The following ZNF254 variants were observed in gnomAD, a reference collection of about 807,000 sequenced individuals.
ZNF254 encodes CTD-2017D11.1.
In ZNF254, 10 loss-of-function variants were observed where a neutral mutation model predicts 12.4. The observed-to-expected ratio is 0.80, with a 90% CI of 0.50 to 1.36. ZNF254 has a LOEUF of 1.36. Among genes scored for constraint, ZNF254 ranks in the 40% most tolerant of loss-of-function variants. The pLI is 0.00. For missense variants in ZNF254, 996 were observed against 763.9 expected (o/e 1.30, Z -3.58); for synonymous variants, 305 against 253.4 (o/e 1.20, Z -1.93).
intron 2 of ZNF254, among the ~76,000 whole-genome samples, chr19:24,061,232 C>T (rs1971053344): frequency 6.6e-6 from 1 of 151,174 alleles, no homozygotes; most frequent in Non-Finnish European, 1.5e-5. Context: ...TTTTGTTCAT[C>T]ACCTAACCGA....
At chr19:24,120,407 T>C (rs1421429303) in intron 3 of ZNF254, among the ~76,000 whole-genome samples, 1 of 152,092 alleles carries the variant, frequency 6.6e-6, no homozygotes, top group Non-Finnish European at 1.5e-5. Context: ...ATATAAAAAT[T>C]ATACCTCTGT....
At chr19:24,047,350 A>T (rs1970433206) in intron 2 of ZNF254, among the ~76,000 whole-genome samples, 4 of 131,492 alleles carry the variant, frequency 3.0e-5, no homozygotes, top group East Asian at 2.2e-4. Context: ...CTTCCTTCCT[A>T]CCTTTCTTTC....
At chr19:24,070,962 T>G (rs1425760982) in intron 2 of ZNF254, among the ~76,000 whole-genome samples, 1 of 152,146 alleles carries the variant, frequency 6.6e-6, no homozygotes, top group African/African-American at 2.4e-5. Context: ...CCTACCTATA[T>G]CCTGACTACA....
chr19:24,064,603 C>T (rs369489850), intron 2 of ZNF254: 1 of 152,132 alleles, frequency 6.6e-6, no homozygotes, highest in Non-Finnish European at 1.5e-5. Context: ...CTCAGCTCAC[C>T]ACAACCTTCA....
rs537296405 is a variant in ZNF254 at position 24,108,881 on chromosome 19, C to T, written c.253+2238C>T. ...GGCAAAAAGGAATTATAGAGCCAGG[C>T]GCGGTGGCTCACGCCTCTAATCCCT... is the stretch of plus-strand genomic sequence containing the variant. On this transcript the variant is annotated intron_variant, in intron 3 of 3. Coordinates refer to ENST00000357002, the MANE Select transcript of ZNF254 (RefSeq NM_203282.4). Among the ~76,000 whole-genome samples the T allele has an allele frequency of 1.2e-4, 18 of 152,266 alleles. No individual in the cohort carries two copies. The South Asian group carries it at 3.1e-3, about 26-fold the overall frequency.
intron 2 of ZNF254, among the ~76,000 whole-genome samples, chr19:24,055,205 CA>C (rs71167733): frequency 0.033 from 942 of 28,196 alleles, 2 homozygotes; most frequent in Middle Eastern, 0.083. Context: ...TCTGTCTCAC[CA>C]AAAAAAAAAA....
chr19:24,069,164 G>A lies in ZNF254; in HGVS notation c.-94+22885G>A, dbSNP rs144934294. On this transcript the variant is annotated intron_variant, in intron 2 of 4. Transcript: ENST00000613065. The stretch of plus-strand genomic sequence containing the variant: ...TGGGACTACAGATGTGTGCCACCAA[G>A]CCCAGCTAATTTTGTATTTTTATTA... Among the ~76,000 whole-genome samples the A allele has an allele frequency of 5.3e-3, 809 of 151,966 alleles. 7 individuals are homozygous for A. The highest frequency in any genetic ancestry group is 0.019 in the African/African-American group (782 of 41,486).
At chr19:24,115,287 A>G (rs947481993) in intron 3 of ZNF254, among the ~76,000 whole-genome samples, 2 of 152,152 alleles carry the variant, frequency 1.3e-5, no homozygotes, top group African/African-American at 4.8e-5. Flanking sequence ...AATGTCCAAC[A>G]ATGATAGACT....
chr19:24,056,096 A>G (rs1029036555), intron 2 of ZNF254, among the ~76,000 whole-genome samples: 3 of 152,170 alleles, frequency 2.0e-5, no homozygotes, highest in African/African-American at 2.4e-5. Flanking sequence ...GGTGCTGCTC[A>G]CAGGGGACAT....
At chr19:24,048,341 AT>A (rs1337458584) in intron 2 of ZNF254, among the ~76,000 whole-genome samples, 6 of 152,164 alleles carry the variant, frequency 3.9e-5, no homozygotes, top group African/African-American at 1.4e-4. Context: ...AGCGCCACAC[AT>A]GGCCCAGGGT....
intron 1 of ZNF254, among the ~76,000 whole-genome samples, chr19:24,099,929 A>G (rs1204443809): frequency 1.3e-5 from 2 of 152,222 alleles, no homozygotes; most frequent in African/African-American, 2.4e-5. Context: ...ATTACCAGAC[A>G]TAATATAAAC....
intron 2 of ZNF254, among the ~76,000 whole-genome samples, chr19:24,065,058 A>G (rs575144440): frequency 6.6e-6 from 1 of 152,264 alleles, no homozygotes; most frequent in Non-Finnish European, 1.5e-5. Flanking sequence ...TATTTTGGTT[A>G]TTGTGACATA....
intron 1 of ZNF254, among the ~76,000 whole-genome samples, chr19:24,043,672 T>G (rs1368463545): frequency 1.3e-5 from 2 of 152,230 alleles, no homozygotes; most frequent in Non-Finnish European, 2.9e-5. Context: ...CAAAAAAGCA[T>G]GCACAAAGAG....
chr19:24,114,941 C>T (rs1318972126), intron 3 of ZNF254, among the ~76,000 whole-genome samples: 444 of 145,058 alleles, frequency 3.1e-3, no homozygotes, highest in Non-Finnish European at 4.8e-3. Context: ...CCATCACTGG[C>T]CATCAGAGAA....
In ZNF254 at chr19:24,116,241, C is replaced by T. The variant is rs538996627; in HGVS notation, c.253+9598C>T. Among the ~76,000 whole-genome samples the T allele has an allele frequency of 1.4e-3, 214 of 152,162 alleles. 1 individual carries two copies. Among genetic ancestry groups the T allele is most frequent in the Non-Finnish European group, 4.4e-4 (30 of 67,996 alleles). On this transcript the variant is annotated intron_variant, in intron 3 of 3. Coordinates refer to ENST00000357002, the MANE Select transcript of ZNF254 (RefSeq NM_203282.4). ...GTATTTCCTGAATCTGAATGTTGGCCTGCCTTGCTAGATTAGGGAAGTTCT... is the reference window on the plus strand; with the variant it reads ...GTATTTCCTGAATCTGAATGTTGGCTTGCCTTGCTAGATTAGGGAAGTTCT...
At position 24,053,586 on chromosome 19, in the gene ZNF254, A is replaced by G. The variant is rs189212067; in HGVS notation, c.-94+7307A>G. Among the ~76,000 whole-genome samples the G allele has an allele frequency of 7.7e-4, 117 of 152,046 alleles. 1 individual carries two copies. The highest frequency in any genetic ancestry group is 3.4e-3 in the Middle Eastern group (1 of 294). Reference sequence around the variant, plus strand: ...TGCCCAGGTGATATGACTTTCCTCTACTTCCTAGGCTTTTCCTAAGAAGGG... The same window carrying G: ...TGCCCAGGTGATATGACTTTCCTCTGCTTCCTAGGCTTTTCCTAAGAAGGG... On this transcript the variant is annotated intron_variant, in intron 2 of 4. Coordinates refer to the ZNF254 transcript ENST00000613065.
chr19:24,116,078 T>C (rs1599745402), intron 3 of ZNF254, among the ~76,000 whole-genome samples: 1 of 152,244 alleles, frequency 6.6e-6, no homozygotes, highest in African/African-American at 2.4e-5. Flanking sequence ...CTTAGTCCGA[T>C]GGGCTTCCCT....
intron 1 of ZNF254, among the ~76,000 whole-genome samples, chr19:24,034,931 C>T (rs1231586604): frequency 1.4e-5 from 2 of 145,826 alleles, no homozygotes; most frequent in African/African-American, 2.5e-5. Context: ...TTACAGGCAC[C>T]TGCCGTCATG....
intron 1 of ZNF254, among the ~76,000 whole-genome samples, chr19:24,094,566 T>G (rs755271309): frequency 1.3e-5 from 2 of 152,086 alleles, no homozygotes; most frequent in Non-Finnish European, 2.9e-5. Flanking sequence ...GCCAAATGCC[T>G]TTTATTTTTA....
Sources: gnomAD v4.1 joint callset for allele counts (sites outside exome capture counted in the v4.1 genomes callset) on GRCh38, gnomAD v4.1.1 for gene constraint, MANE v1.5 for transcripts, NCBI Gene and HGNC (gene_info 2026-07-23, HGNC 2026-07-21) for gene names.